Variants in C1orf159 observed in about 807,000 individuals in gnomAD.
C1orf159 encodes uncharacterized protein C1orf159.
C1orf159 carries 19 observed loss-of-function variants against 25.6 expected under a neutral mutation model. The observed-to-expected ratio is 0.74, with a 90% CI of 0.52 to 1.09. The LOEUF (loss-of-function observed/expected upper bound fraction) is 1.09. Ranked by LOEUF, C1orf159 falls within the 50% of genes least tolerant of loss-of-function variation. The pLI is 0.00. For synonymous variants in C1orf159, 139 were observed against 124.7 expected (o/e 1.12, Z -0.77); for missense variants, 274 against 290.6 (o/e 0.94, Z 0.42).
rs1365868511 is a variant in C1orf159 at position 1,082,568 on chromosome 1, T to G, written c.*325A>C. 3 of 387,750 alleles carry G rather than the reference T, an allele frequency of 7.7e-6. No homozygotes were observed. The highest frequency in any genetic ancestry group is 6.3e-5 in the African/African-American group (3 of 47,302). The allele number at this position is 387,750 out of a possible 1,614,324, so 24.0% of individuals were successfully genotyped here. On this transcript the variant is annotated 3_prime_UTR_variant, in exon 10 of 10. Transcript: ENST00000421241. ...GGCAGAGCGGCACCTGCCCCATAGA[T>G]CGTGCCAGCTTTGGCTGCAGGCGCT...
chr1:1,088,421 T>C (rs1456976750), intron 4 of C1orf159, among the ~76,000 whole-genome samples: 4 of 135,622 alleles, frequency 2.9e-5, no homozygotes, highest in African/African-American at 8.5e-5. Flanking sequence ...CCAAGCAGGA[T>C]AGGCCCACCC....
At chr1:1,115,997 G>GC in intron 1 of C1orf159, 63 bp downstream of exon 1, 1 of 152,020 alleles carries the variant, frequency 6.6e-6, no homozygotes, top group East Asian at 2.0e-4. Flanking sequence ...CGACCCGGCC[G>GC]CCCAGACGGA....
chr1:1,102,822 C>T (rs562565962), intron 1 of C1orf159, among the ~76,000 whole-genome samples: 1 of 151,318 alleles, frequency 6.6e-6, no homozygotes, highest in East Asian at 2.0e-4. Flanking sequence ...AATAAAATTT[C>T]AGATCTTGTT....
At chr1:1,107,630 C>G (rs1304746682) in intron 1 of C1orf159, among the ~76,000 whole-genome samples, 2 of 152,168 alleles carry the variant, frequency 1.3e-5, no homozygotes, top group African/African-American at 4.8e-5. Flanking sequence ...AATCAGCTCT[C>G]TATAAAATGG....
intron 1 of C1orf159, chr1:1,115,100 A>C (rs1476970201): frequency 3.9e-5 from 6 of 152,206 alleles, no homozygotes; most frequent in African/African-American, 1.4e-4. Context: ...AACCAAAAAA[A>C]GGAGGCCAAG....
At chr1:1,083,046 A>G (rs1177017783) in intron 9 of C1orf159, 59 bp from the exon 10 acceptor site, 2 of 1,417,792 alleles carry the variant, frequency 1.4e-6, no homozygotes, top group South Asian at 2.6e-5. Context: ...GGGACAGTGC[A>G]GGCCTCAGCC....
chr1:1,113,454 G>A (rs899394649), intron 1 of C1orf159, among the ~76,000 whole-genome samples: 6 of 152,146 alleles, frequency 3.9e-5, no homozygotes, highest in Admixed American at 1.3e-4. Context: ...GTGCATCGTT[G>A]CGATCTCGGC....
At chr1:1,107,778 G>A (rs1234510043) in intron 1 of C1orf159, among the ~76,000 whole-genome samples, 4 of 152,126 alleles carry the variant, frequency 2.6e-5, no homozygotes, top group South Asian at 4.1e-4. Flanking sequence ...TTGTTCTTTC[G>A]CTCTTTGCAA....
At chr1:1,093,179 C>T (rs1645965439) in intron 1 of C1orf159, among the ~76,000 whole-genome samples, 1 of 152,182 alleles carries the variant, frequency 6.6e-6, no homozygotes, top group African/African-American at 2.4e-5. Flanking sequence ...CCTTTTGTCC[C>T]TTTAACATTT....
chr1:1,091,729 C>T (rs1415011146), intron 2 of C1orf159, 164 bp from the exon 3 acceptor site: 2 of 420,512 alleles, frequency 4.8e-6, no homozygotes, highest in Non-Finnish European at 9.2e-6. Context: ...GAGGGTGGGG[C>T]CAAATGGAAG....
At position 1,087,348 on chromosome 1, in the gene C1orf159, A is replaced by G; in HGVS notation, c.245-144T>C. 2 of 1,152,788 alleles carry G rather than the reference A, an allele frequency of 1.7e-6. No homozygotes were observed. The highest frequency in any genetic ancestry group is 2.4e-6 in the Non-Finnish European group (2 of 830,386). The allele number at this position is 1,152,788 out of a possible 1,614,324, so 71.4% of individuals were successfully genotyped here. ...AGCCCTCACCACAGAGCTGTCCCGA[A>G]TGGCCCAGCAGACTCGGGAAGAGGG... On this transcript the variant is annotated intron_variant, in intron 5 of 9. Transcript: ENST00000421241. The surrounding 1 kb of genome is among the most constrained non-coding windows in gnomAD (Gnocchi z 8.3).
rs898988177 is a variant in C1orf159 at position 1,110,555 on chromosome 1, G to A, written c.-136+5505C>T. On this transcript the variant is annotated intron_variant, in intron 1 of 9. Coordinates refer to ENST00000421241, the MANE Select transcript of C1orf159 (RefSeq NM_017891.5). The surrounding 1 kb of genome is among the most constrained non-coding windows in gnomAD (Gnocchi z 4.8). ...TGGACAGTGCTCAACACGGGTGAGC[G>A]TCAGGGAAATGCAAACTAAAGCCTC... Among the ~76,000 whole-genome samples the A allele has an allele frequency of 5.3e-5, 8 of 151,244 alleles. No homozygotes were observed. Among genetic ancestry groups the A allele is most frequent in the East Asian group, 3.8e-4 (2 of 5,196 alleles).
chr1:1,098,007 T>C (rs1477117483), intron 1 of C1orf159, among the ~76,000 whole-genome samples: 1 of 152,196 alleles, frequency 6.6e-6, no homozygotes, highest in Non-Finnish European at 1.5e-5. Flanking sequence ...TTTGATGTTA[T>C]ATTTTCATTA....
chr1:1,111,782 CT>C, intron 1 of C1orf159, among the ~76,000 whole-genome samples: 1 of 152,282 alleles, frequency 6.6e-6, no homozygotes, highest in East Asian at 1.9e-4. Context: ...CGAGGGCTGG[CT>C]GGAGCTTCCA....
intron 1 of C1orf159, among the ~76,000 whole-genome samples, chr1:1,107,703 T>A (rs1037706319): frequency 6.6e-6 from 1 of 152,198 alleles, no homozygotes; most frequent in South Asian, 2.1e-4. Flanking sequence ...GATAAGGGAA[T>A]AAAAGCAGGC....
intron 7 of C1orf159, among the ~76,000 whole-genome samples, chr1:1,084,967 G>C (rs534911270): frequency 6.6e-6 from 1 of 152,258 alleles, no homozygotes; most frequent in South Asian, 2.1e-4. Context: ...CCGTGGCATC[G>C]TGGCCAACCT....
intron 1 of C1orf159, among the ~76,000 whole-genome samples, chr1:1,093,914 C>G (rs1439479098): frequency 6.6e-6 from 1 of 152,176 alleles, no homozygotes; most frequent in Non-Finnish European, 1.5e-5. Context: ...TGTGGGTGCA[C>G]GCAGGGTGTC....
At chr1:1,090,223 G>A in intron 4 of C1orf159, 130 bp downstream of exon 4, 3 of 952,252 alleles carry the variant, frequency 3.2e-6, no homozygotes, top group Middle Eastern at 2.1e-4. Context: ...AGCCCTCACT[G>A]CCCCATCCAC....
At chr1:1,090,888 G>T in intron 3 of C1orf159, 8 of 1,550,178 alleles carry the variant, frequency 5.2e-6, no homozygotes, top group Non-Finnish European at 7.0e-6. Flanking sequence ...TGTGTGTGAG[G>T]GCCCATTCCC....
Sources: allele counts gnomAD v4.1 joint callset (sites outside exome capture counted in the v4.1 genomes callset), GRCh38; gene constraint gnomAD v4.1.1; non-coding constraint Gnocchi (gnomAD v3.1); transcripts MANE v1.5; gene names NCBI Gene and HGNC (gene_info 2026-07-23, HGNC 2026-07-21).